FRMD6: variants seen among roughly 807,000 people sequenced by gnomAD.
The protein encoded by FRMD6 is FERM domain containing 6.
FRMD6 carries 37 observed loss-of-function variants against 73.2 expected under a neutral mutation model. The observed-to-expected ratio is 0.51, with a 90% CI of 0.39 to 0.66. The LOEUF (loss-of-function observed/expected upper bound fraction) is 0.66. Ranked by LOEUF, FRMD6 falls within the 30% of genes least tolerant of loss-of-function variation. FRMD6 has a pLI of 0.00. For synonymous variants in FRMD6, 273 were observed against 282.2 expected (o/e 0.97, Z 0.33); for missense variants, 714 against 780.5 (o/e 0.91, Z 1.02).
At chr14:51,659,185 ACT>A (rs559025559) in intron 1 of FRMD6, among the ~76,000 whole-genome samples, 2 of 152,286 alleles carry the variant, frequency 1.3e-5, no homozygotes, top group South Asian at 2.1e-4. Context: ...AAGTTACTTA[ACT>A]CTCTACACCT....
intron 2 of FRMD6, among the ~76,000 whole-genome samples, chr14:51,575,112 G>A (rs1027671409): frequency 3.9e-5 from 6 of 152,072 alleles, no homozygotes; most frequent in Non-Finnish European, 7.4e-5. Context: ...GAGAGATGAT[G>A]CCCCACCAGT....
intron 3 of FRMD6, among the ~76,000 whole-genome samples, chr14:51,698,829 C>A (rs780425227): frequency 8.7e-4 from 133 of 152,128 alleles, no homozygotes; most frequent in Admixed American, 1.4e-3. Flanking sequence ...TCTCTCATAA[C>A]ACCTTAGTTA....
chr14:51,542,278 T>C (rs1185611852), intron 1 of FRMD6, among the ~76,000 whole-genome samples: 1 of 151,972 alleles, frequency 6.6e-6, no homozygotes, highest in Non-Finnish European at 1.5e-5. Flanking sequence ...CATTAAGCAG[T>C]CACTCCTCAT....
intron 2 of FRMD6, among the ~76,000 whole-genome samples, chr14:51,646,325 A>C (rs1021495400): frequency 6.7e-6 from 1 of 150,254 alleles, no homozygotes; most frequent in Admixed American, 6.6e-5. Flanking sequence ...ATCCAAAAAA[A>C]AAAAAAAAAA....
intron 2 of FRMD6, among the ~76,000 whole-genome samples, chr14:51,634,971 C>CT (rs1891494005): frequency 6.6e-6 from 1 of 152,026 alleles, no homozygotes; most frequent in South Asian, 2.1e-4. Flanking sequence ...TGCTTTTTTT[C>CT]TTTTTTTCAA....
At chr14:51,726,579 C>T (rs781761757) in intron 13 of FRMD6, among the ~76,000 whole-genome samples, 6 of 151,958 alleles carry the variant, frequency 3.9e-5, no homozygotes, top group Non-Finnish European at 7.4e-5. Context: ...CTCTTACTTG[C>T]GTTGAAGTAA....
At chr14:51,469,854 T>C in the FRMD6 span, among the ~76,000 whole-genome samples, 1 of 152,166 alleles carries the variant, frequency 6.6e-6, no homozygotes, top group Non-Finnish European at 1.5e-5. Flanking sequence ...ATTTCTTTTA[T>C]GAATGTTTGA....
At chr14:51,411,603 T>C in the FRMD6 span, among the ~76,000 whole-genome samples, 1 of 152,210 alleles carries the variant, frequency 6.6e-6, no homozygotes, top group Non-Finnish European at 1.5e-5. Flanking sequence ...ATCATTACAA[T>C]TGCATGCATC....
At chr14:51,433,263 T>C in the FRMD6 span, among the ~76,000 whole-genome samples, 1 of 152,194 alleles carries the variant, frequency 6.6e-6, no homozygotes, top group Non-Finnish European at 1.5e-5. Context: ...GCATGATTTG[T>C]AATTGCAAAA....
the FRMD6 span, among the ~76,000 whole-genome samples, chr14:51,405,998 G>A: frequency 6.6e-6 from 1 of 152,120 alleles, no homozygotes; most frequent in African/African-American, 2.4e-5. Flanking sequence ...TCTATCTTGA[G>A]TAGATTTTTG....
chr14:51,644,608 GAT>G lies in FRMD6; in HGVS notation c.-146-45082_-146-45081del, dbSNP rs764250144. On this transcript the variant is annotated intron_variant, in intron 2 of 14. Coordinates refer to the FRMD6 transcript ENST00000356218. ...AGTAAAATGTGCTATAAAAATAAGT[GAT>G]GTGTTAATATTTCACAATGATTTGT... is the stretch of plus-strand genomic sequence containing the variant. Among the ~76,000 whole-genome samples, 25 of 152,134 alleles carry G rather than the reference GAT, an allele frequency of 1.6e-4. 1 individual carries two copies. The highest frequency in any genetic ancestry group is 4.1e-4 in the South Asian group (2 of 4,828).
intron 2 of FRMD6, among the ~76,000 whole-genome samples, chr14:51,596,343 C>T (rs1027391046): frequency 6.6e-6 from 1 of 151,726 alleles, no homozygotes; most frequent in East Asian, 1.9e-4. Flanking sequence ...CCTCACATTA[C>T]TGATTTCAGG....
intron 1 of FRMD6, among the ~76,000 whole-genome samples, chr14:51,557,749 T>C (rs937922732): frequency 6.6e-6 from 1 of 152,132 alleles, no homozygotes; most frequent in African/African-American, 2.4e-5. Flanking sequence ...TGTATTCGTA[T>C]ATCAAAATAC....
intron 1 of FRMD6, chr14:51,489,496 A>C (rs1882870503): frequency 6.6e-6 from 1 of 152,524 alleles, no homozygotes; most frequent in African/African-American, 2.4e-5. Flanking sequence ...AAATTCCTGT[A>C]CAATGGGCAC....
intron 2 of FRMD6, among the ~76,000 whole-genome samples, chr14:51,587,990 T>G (rs539373893): frequency 6.6e-6 from 1 of 152,326 alleles, no homozygotes; most frequent in Admixed American, 6.5e-5. Flanking sequence ...GGATTTTAGC[T>G]ATTTTTCCCC....
chr14:51,570,028 G>C (rs1888035949), intron 1 of FRMD6, among the ~76,000 whole-genome samples: 1 of 151,886 alleles, frequency 6.6e-6, no homozygotes, highest in South Asian at 2.1e-4. Context: ...TGTTAGCCAG[G>C]ATGGTCTCGA....
At chr14:51,404,952 G>C in the FRMD6 span, among the ~76,000 whole-genome samples, 2 of 152,016 alleles carry the variant, frequency 1.3e-5, no homozygotes, top group Non-Finnish European at 2.9e-5. Flanking sequence ...GTAGGCCCCA[G>C]TGTCTGTTGT....
chr14:51,700,492 G>C (rs1896240062), intron 3 of FRMD6, among the ~76,000 whole-genome samples: 1 of 152,018 alleles, frequency 6.6e-6, no homozygotes, highest in African/African-American at 2.4e-5. Context: ...GCGAGTAAGG[G>C]TTTATCATTT....
intron 2 of FRMD6, among the ~76,000 whole-genome samples, chr14:51,636,329 T>A (rs1026308381): frequency 1.3e-5 from 2 of 152,182 alleles, no homozygotes; most frequent in African/African-American, 4.8e-5. Context: ...CCAGAAAAGG[T>A]TTAGTCATTA....
Sources: gnomAD v4.1 joint callset for allele counts (sites outside exome capture counted in the v4.1 genomes callset) on GRCh38, gnomAD v4.1.1 for gene constraint, MANE v1.5 for transcripts, NCBI Gene and HGNC (gene_info 2026-07-23, HGNC 2026-07-21) for gene names.